LONP2: variants seen among roughly 807,000 people sequenced by gnomAD.
LONP2 encodes lon peptidase 2, peroxisomal.
A neutral mutation model predicts 85.6 loss-of-function variants in LONP2; 60 were observed. The observed-to-expected ratio is 0.70, with a 90% CI of 0.57 to 0.87. The LOEUF (loss-of-function observed/expected upper bound fraction) is 0.87. Ranked by LOEUF, LONP2 falls within the 40% of genes least tolerant of loss-of-function variation. LONP2 has a pLI of 0.00. For missense variants in LONP2, 860 were observed against 1,063.5 expected, an observed-to-expected ratio of 0.81 and a Z score of 2.66; for synonymous variants, 395 against 389.7, an observed-to-expected ratio of 1.01 and a Z score of -0.16.
At position 48,292,002 on chromosome 16, in the gene LONP2, G is replaced by C. The variant is rs79104131; in HGVS notation, c.1384-4013G>C. 2.6e-5 allele frequency among the ~76,000 whole-genome samples: 4 copies of C among 152,336 alleles called. No homozygotes were observed. The East Asian group carries it at 7.7e-4, about 29-fold the overall frequency. ...GGGGAATGGGCAGATATTGGGGAAA[G>C]AGGAAGAAATTTTAAAAGGTATGAG... On this transcript the variant is annotated intron_variant, in intron 8 of 14. Coordinates refer to ENST00000285737, the MANE Select transcript of LONP2 (RefSeq NM_031490.5).
intron 8 of LONP2, among the ~76,000 whole-genome samples, chr16:48,278,593 C>T (rs1046530712): frequency 1.3e-5 from 2 of 152,142 alleles, no homozygotes; most frequent in African/African-American, 4.8e-5. Context: ...TGTACTTTGC[C>T]TCCATTTTAC....
At chr16:48,274,821 A>AT (rs1455628457) in intron 7 of LONP2, among the ~76,000 whole-genome samples, 7 of 152,210 alleles carry the variant, frequency 4.6e-5, no homozygotes, top group African/African-American at 1.7e-4. Context: ...ACAGAATTGT[A>AT]ATCCTGTCAT....
rs577990945 is a variant in LONP2 at position 48,251,529 on chromosome 16, C to T, written c.234-602C>T. On this transcript the variant is annotated intron_variant, in intron 1 of 14. Transcript: ENST00000285737. ...GAGATGTGGGTCTTTCTTTAGCTCTCCTCAGTCTATGGCAGTGTGTGGACT... is the reference window on the plus strand; with the variant it reads ...GAGATGTGGGTCTTTCTTTAGCTCTTCTCAGTCTATGGCAGTGTGTGGACT... 1.1e-4 allele frequency among the ~76,000 whole-genome samples: 16 copies of T among 152,282 alleles called. No individual in the cohort carries two copies. In the South Asian group the frequency reaches 3.1e-3, roughly 30 times the overall value.
At chr16:48,254,915 G>T (rs1396636411) in intron 2 of LONP2, among the ~76,000 whole-genome samples, 2 of 152,138 alleles carry the variant, frequency 1.3e-5, no homozygotes, top group Admixed American at 6.5e-5. Flanking sequence ...TGAATTCCTA[G>T]TAGCAAGGGT....
At chr16:48,286,566 A>T (rs1972447918) in intron 8 of LONP2, among the ~76,000 whole-genome samples, 2 of 151,778 alleles carry the variant, frequency 1.3e-5, no homozygotes, top group South Asian at 2.1e-4. Context: ...GCAGTGGCGC[A>T]CTCATGGCTC....
Position 48,256,690 on chromosome 16 carries a change from A to G in LONP2, c.549A>G (p.Leu183=). 3 of 1,614,034 alleles carry G rather than the reference A, an allele frequency of 1.9e-6. No individual in the cohort carries two copies. Among genetic ancestry groups the G allele is most frequent in the African/African-American group, 1.3e-5 (1 of 75,048 alleles). The change falls in exon 3 of 15, where the codon TTA becomes TTG. Residue 183 remains leucine, a synonymous_variant. Transcript: ENST00000285737. ...RLLDSLPREA[L]PDILTSIIRT... Reference sequence around the variant, plus strand: ...TAGATAGTCTTCCAAGGGAAGCTTTACCAGACATCTTGACATCAATTATCC... The same window carrying G: ...TAGATAGTCTTCCAAGGGAAGCTTTGCCAGACATCTTGACATCAATTATCC...
intron 8 of LONP2, among the ~76,000 whole-genome samples, chr16:48,293,965 T>C (rs1281243093): frequency 2.0e-5 from 3 of 152,138 alleles, no homozygotes; most frequent in South Asian, 2.1e-4. Flanking sequence ...GTGTTGGATT[T>C]TCACTCTGTC....
chr16:48,323,587 G>A (rs1024051869), intron 11 of LONP2, among the ~76,000 whole-genome samples: 3 of 151,986 alleles, frequency 2.0e-5, no homozygotes, highest in African/African-American at 7.3e-5. Flanking sequence ...GAGCCTGGGA[G>A]GCGGAGGTTG....
intron 8 of LONP2, among the ~76,000 whole-genome samples, chr16:48,285,804 A>G (rs1484494762): frequency 1.3e-5 from 2 of 152,212 alleles, no homozygotes; most frequent in African/African-American, 4.8e-5. Flanking sequence ...TAAATATAAC[A>G]GAAAAAGTCC....
chr16:48,303,647 C>A (rs1843647), intron 11 of LONP2, among the ~76,000 whole-genome samples: 25,814 of 151,814 alleles, frequency 0.17, 2,430 homozygotes, highest in Middle Eastern at 0.27. Flanking sequence ...TGGTGAAGTC[C>A]CACAATAGGC....
rs558177187 is a variant in LONP2, at chr16:48,357,225, C to G, written c.*5423C>G. 6.6e-6 allele frequency: 1 copy of G among 152,298 alleles called. No homozygotes were observed. Among genetic ancestry groups the G allele is most frequent in the South Asian group, 2.1e-4 (1 of 4,824 alleles). The allele number at this position is 152,298 out of a possible 1,614,324, so 9.4% of individuals were successfully genotyped here. A position where few individuals can be genotyped will look rare whatever the true frequency, so the allele number is the denominator to read the frequency against. The stretch of plus-strand genomic sequence containing the variant: ...AAATAAAAACTGGTAGATACAGAGT[C>G]AGAAGTCAACCCAGGCAGTTAGAAT... On this transcript the variant is annotated 3_prime_UTR_variant, in exon 15 of 15. Transcript: ENST00000285737.
At chr16:48,299,328 T>C (rs1350299919) in intron 9 of LONP2, among the ~76,000 whole-genome samples, 1 of 152,034 alleles carries the variant, frequency 6.6e-6, no homozygotes, top group Non-Finnish European at 1.5e-5. Context: ...CTCATGCCTA[T>C]AATCTCAGCA....
At position 48,277,378 on chromosome 16, in the gene LONP2, G is replaced by A. The variant is rs748729417; in HGVS notation, c.1282G>A (p.Gly428Ser). ...VGSMPGRIIN[G>S]LKTVGVNNPV... ...CAGCATGCCTGGTCGCATCATCAACGGCTTGAAGACTGTGGGAGTGAACAA... is the reference window on the plus strand; with the variant it reads ...CAGCATGCCTGGTCGCATCATCAACAGCTTGAAGACTGTGGGAGTGAACAA... The change falls in exon 8 of 15, where the codon GGC becomes AGC. Residue 428 changes from glycine to serine, a missense_variant. Gly to Ser is a moderately conservative substitution (Grantham distance 56). Coordinates refer to ENST00000285737, the MANE Select transcript of LONP2 (RefSeq NM_031490.5). The A allele has an allele frequency of 3.7e-6, 6 of 1,613,262 alleles. No homozygotes were observed. The highest frequency in any genetic ancestry group is 1.1e-5 in the South Asian group (1 of 91,028).
At chr16:48,246,868 C>T (rs937426655) in intron 1 of LONP2, among the ~76,000 whole-genome samples, 1 of 152,090 alleles carries the variant, frequency 6.6e-6, no homozygotes, top group Admixed American at 6.6e-5. Flanking sequence ...GCCACCATAC[C>T]CTTCAGGTTT....
chr16:48,265,504 C>T (rs1971971179), intron 6 of LONP2, among the ~76,000 whole-genome samples: 2 of 151,892 alleles, frequency 1.3e-5, no homozygotes, highest in East Asian at 1.9e-4. Context: ...TCTTGGTGCC[C>T]TTGTTGAAAA....
chr16:48,263,453 GTCTT>G (rs1971919904), intron 6 of LONP2, among the ~76,000 whole-genome samples: 1 of 152,184 alleles, frequency 6.6e-6, no homozygotes. Flanking sequence ...TACAGTACTT[GTCTT>G]TCTGTGTCTG....
chr16:48,300,250 T>A lies in LONP2; in HGVS notation c.1661+462T>A, dbSNP rs74016402. On this transcript the variant is annotated intron_variant, in intron 10 of 14. Coordinates refer to ENST00000285737, the MANE Select transcript of LONP2 (RefSeq NM_031490.5). ...TAAGTTACTCACTTTTCTTTTCTTC[T>A]CTTTGGCTGAGAGATTTTTAAAATC... Among the ~76,000 whole-genome samples, 838 of 152,356 alleles carry A rather than the reference T, an allele frequency of 5.5e-3. 7 individuals are homozygous for A. Among genetic ancestry groups the A allele is most frequent in the African/African-American group, 0.019 (787 of 41,576 alleles).
intron 11 of LONP2, among the ~76,000 whole-genome samples, chr16:48,326,132 C>T (rs1467602408): frequency 2.0e-5 from 3 of 152,184 alleles, no homozygotes; most frequent in Non-Finnish European, 4.4e-5. Flanking sequence ...CTAGCCTGTG[C>T]TTCTTGAATT....
intron 8 of LONP2, among the ~76,000 whole-genome samples, chr16:48,283,959 T>G (rs1310804433): frequency 6.6e-6 from 1 of 152,166 alleles, no homozygotes; most frequent in African/African-American, 2.4e-5. Context: ...AATATCAACA[T>G]GAACAGGAGT....
Sources: gnomAD v4.1 joint callset for allele counts (sites outside exome capture counted in the v4.1 genomes callset) on GRCh38, gnomAD v4.1.1 for gene constraint, MANE v1.5 for transcripts, NCBI Gene and HGNC (gene_info 2026-07-23, HGNC 2026-07-21) for gene names.